PEA15: variants seen among roughly 807,000 people sequenced by gnomAD.
PEA15 encodes the protein astrocytic phosphoprotein PEA-15.
For missense variants in PEA15, 77 were observed against 161.3 expected (o/e 0.48, Z 2.83); for synonymous variants, 60 against 61.8 (o/e 0.97, Z 0.13).
In PEA15 at chr1:160,215,021, A is replaced by G. The variant is rs1005740270; in HGVS notation, c.*1535A>G. ...CTAGGACTCCACAGTTTTGCCTTAA[A>G]GGACCTTCCCAAGTCTCCCTTTCCC... On this transcript the variant is annotated 3_prime_UTR_variant, in exon 4 of 4. Transcript: ENST00000360472. The G allele has an allele frequency of 1.3e-5, 2 of 152,896 alleles. No individual in the cohort carries two copies. The highest frequency in any genetic ancestry group is 4.8e-5 in the African/African-American group (2 of 41,456). 9.5% of individuals were successfully genotyped at this position (152,896 alleles called of 1,614,324 possible). A position where few individuals can be genotyped will look rare whatever the true frequency, so the allele number is the denominator to read the frequency against.
Position 160,208,852 on chromosome 1 carries a change from A to G in PEA15, c.-2-2691A>G, listed in dbSNP as rs1230730733. 1 of 542,282 alleles carries G rather than the reference A, an allele frequency of 1.8e-6. No individual in the cohort carries two copies. Among genetic ancestry groups the G allele is most frequent in the East Asian group, 3.2e-5 (1 of 31,302 alleles). 33.6% of individuals were successfully genotyped at this position (542,282 alleles called of 1,614,324 possible). A position where few individuals can be genotyped will look rare whatever the true frequency, so the allele number is the denominator to read the frequency against. On this transcript the variant is annotated intron_variant, in intron 1 of 3. Coordinates refer to ENST00000360472, the MANE Select transcript of PEA15 (RefSeq NM_003768.5). This position sits in a 1 kb window ranked among gnomAD's most constrained non-coding sequence, Gnocchi z 4.1. ...TGTCCCTTCTTACTCACCATTCCCT[A>G]CACTCCTCCCATCTAGTGGTGTCAT...
At position 160,214,883 on chromosome 1, in the gene PEA15, TG is replaced by T. The variant is rs1460420000; in HGVS notation, c.*1399del. On this transcript the variant is annotated 3_prime_UTR_variant, in exon 4 of 4. Coordinates refer to ENST00000360472, the MANE Select transcript of PEA15 (RefSeq NM_003768.5). ...TTAATGGGAGGGGAGGGCTGGCTGC[TG>T]GAAGAAGGAAGAAGCCAGACTGGTT... The T allele has an allele frequency of 1.3e-5, 2 of 152,606 alleles. No homozygotes were observed. The highest frequency in any genetic ancestry group is 2.4e-5 in the African/African-American group (1 of 41,426). 9.5% of individuals were successfully genotyped at this position (152,606 alleles called of 1,614,324 possible).
intron 2 of PEA15, among the ~76,000 whole-genome samples, chr1:160,212,514 G>A (rs1321470967): frequency 1.3e-5 from 2 of 152,072 alleles, no homozygotes; most frequent in African/African-American, 2.4e-5. Flanking sequence ...AAAGGAGGAC[G>A]TGTTACAGTT....
rs1240168020 is a variant in PEA15 at position 160,208,712 on chromosome 1, C to T, written c.-2-2831C>T. 2 of 1,471,764 alleles carry T rather than the reference C, an allele frequency of 1.4e-6. No individual in the cohort carries two copies. Among genetic ancestry groups the T allele is most frequent in the African/African-American group, 1.4e-5 (1 of 71,508 alleles). 91.2% of individuals were successfully genotyped at this position (1,471,764 alleles called of 1,614,324 possible). ...AATTGAGAGCAGTTCCCCTAAACAA[C>T]ACTCCCTTTGCTTCTTCTGCCATAC... On this transcript the variant is annotated intron_variant, in intron 1 of 3. Coordinates refer to ENST00000360472, the MANE Select transcript of PEA15 (RefSeq NM_003768.5). The surrounding 1 kb of genome is among the most constrained non-coding windows in gnomAD (Gnocchi z 4.1).
At position 160,208,584 on chromosome 1, in the gene PEA15, ATC is replaced by A. The variant is rs1417479299; in HGVS notation, c.-2-2955_-2-2954del. The stretch of plus-strand genomic sequence containing the variant: ...CTCCACGAGCCCTAAGGAAATCTGA[ATC>A]TCTGGTGAGGAAAGTGACATGGAGG... On this transcript the variant is annotated intron_variant, in intron 1 of 3. Transcript: ENST00000360472. The surrounding 1 kb of genome is among the most constrained non-coding windows in gnomAD (Gnocchi z 4.1). 1.9e-6 allele frequency: 3 copies of A among 1,549,426 alleles called. No individual in the cohort carries two copies. In the African/African-American group the frequency reaches 4.1e-5, roughly 21 times the overall value.
At chr1:160,210,740 A>T (rs751396477) in intron 1 of PEA15, among the ~76,000 whole-genome samples, 1 of 152,206 alleles carries the variant, frequency 6.6e-6, no homozygotes, top group Non-Finnish European at 1.5e-5. Context: ...GGAACTGGGC[A>T]GGGGGCCAGA....
chr1:160,208,652 C>A lies in PEA15; in HGVS notation c.-2-2891C>A. 1 of 1,550,232 alleles carries A rather than the reference C, an allele frequency of 6.5e-7. No individual in the cohort carries two copies. ...TCTGCCAAGCCCCACCATGGCCAGG[C>A]CAGACCAGCCCAGGTACAACTGTTG... On this transcript the variant is annotated intron_variant, in intron 1 of 3. Transcript: ENST00000360472. This position sits in a 1 kb window ranked among gnomAD's most constrained non-coding sequence, Gnocchi z 4.1.
chr1:160,208,851 T>A lies in PEA15; in HGVS notation c.-2-2692T>A. On this transcript the variant is annotated intron_variant, in intron 1 of 3. Transcript: ENST00000360472. The surrounding 1 kb of genome is among the most constrained non-coding windows in gnomAD (Gnocchi z 4.1). Reference sequence around the variant, plus strand: ...CTGTCCCTTCTTACTCACCATTCCCTACACTCCTCCCATCTAGTGGTGTCA... The same window carrying A: ...CTGTCCCTTCTTACTCACCATTCCCAACACTCCTCCCATCTAGTGGTGTCA... 1.8e-5 allele frequency: 10 copies of A among 551,802 alleles called. No homozygotes were observed. The highest frequency in any genetic ancestry group is 5.0e-4 in the Middle Eastern group (1 of 2,004). The allele number at this position is 551,802 out of a possible 1,614,324, so 34.2% of individuals were successfully genotyped here.
At position 160,208,465 on chromosome 1, in the gene PEA15, A is replaced by G; in HGVS notation, c.-3+2943A>G. On this transcript the variant is annotated intron_variant, in intron 1 of 3. Transcript: ENST00000360472. This position sits in a 1 kb window ranked among gnomAD's most constrained non-coding sequence, Gnocchi z 4.1. The stretch of plus-strand genomic sequence containing the variant: ...CCTGCCCTGGTATCCTGTCCCAAGA[A>G]TGGCCTCCGCCCAGACTGCCTGGTG... 1.4e-6 allele frequency: 1 copy of G among 734,748 alleles called. No individual in the cohort carries two copies. Among genetic ancestry groups the G allele is most frequent in the Admixed American group, 2.4e-5 (1 of 41,716 alleles). 45.5% of individuals were successfully genotyped at this position (734,748 alleles called of 1,614,324 possible).
Position 160,209,917 on chromosome 1 carries a change from G to C in PEA15, c.-2-1626G>C, listed in dbSNP as rs564324557. ...TGACAGTCAGAGAGCATTGTTCCTG[G>C]CCCGGCCTGGCAGGGCCACTGCTGG... On this transcript the variant is annotated intron_variant, in intron 1 of 3. Coordinates refer to ENST00000360472, the MANE Select transcript of PEA15 (RefSeq NM_003768.5). Among the ~76,000 whole-genome samples, 32 of 152,360 alleles carry C rather than the reference G, an allele frequency of 2.1e-4. No individual in the cohort carries two copies. The South Asian group carries it at 5.8e-3, about 28-fold the overall frequency.
Position 160,213,272 on chromosome 1 carries a change from G to A in PEA15, c.328+7G>A, listed in dbSNP as rs753113920. 5.6e-6 allele frequency: 9 copies of A among 1,614,116 alleles called. No homozygotes were observed. The highest frequency in any genetic ancestry group is 2.2e-5 in the East Asian group (1 of 44,890). ...AGTGCCAAGAAGTACAAAGGTAAGC[G>A]GCCACTCCTTTAACTAGCTGCACCT... On this transcript the variant is annotated splice_region_variant and intron_variant, in intron 3 of 3. Transcript: ENST00000360472. The surrounding 1 kb of genome is among the most constrained non-coding windows in gnomAD (Gnocchi z 5.3).
chr1:160,211,958 TA>T (rs1455053779), intron 2 of PEA15, among the ~76,000 whole-genome samples: 2 of 152,078 alleles, frequency 1.3e-5, no homozygotes, highest in African/African-American at 4.8e-5. Context: ...AAAAACAATC[TA>T]AAAATAGTAA....
Position 160,213,188 on chromosome 1 carries a change from C to G in PEA15, c.251C>G (p.Thr84Ser), listed in dbSNP as rs1323163161. ...DLLTMVVDYR[T>S]RVLKISEEDE... ...CTCACTATGGTGGTTGACTACAGAA[C>G]CCGTGTGCTGAAGATCTCTGAGGAG... Residue 84 changes from threonine to serine, a missense_variant, in exon 3 of 4, where the codon ACC becomes AGC. Coordinates refer to ENST00000360472, the MANE Select transcript of PEA15 (RefSeq NM_003768.5). The surrounding 1 kb of genome is among the most constrained non-coding windows in gnomAD (Gnocchi z 5.3). 6.2e-7 allele frequency: 1 copy of G among 1,614,160 alleles called. No individual in the cohort carries two copies. Among genetic ancestry groups the G allele is most frequent in the Non-Finnish European group, 8.5e-7 (1 of 1,179,994 alleles).
rs1654704625 is a variant in PEA15 at position 160,208,552 on chromosome 1, C to G, written c.-2-2991C>G. ...GGAGGATTTTTCAGAGCCCAGAGAGCAGATTTCTCCACGAGCCCTAAGGAA... is the reference window on the plus strand; with the variant it reads ...GGAGGATTTTTCAGAGCCCAGAGAGGAGATTTCTCCACGAGCCCTAAGGAA... On this transcript the variant is annotated intron_variant, in intron 1 of 3. Transcript: ENST00000360472. This position sits in a 1 kb window ranked among gnomAD's most constrained non-coding sequence, Gnocchi z 4.1. 6.2e-6 allele frequency: 9 copies of G among 1,456,274 alleles called. No individual in the cohort carries two copies. Among genetic ancestry groups the G allele is most frequent in the Non-Finnish European group, 5.7e-6 (6 of 1,061,090 alleles). The allele number at this position is 1,456,274 out of a possible 1,614,324, so 90.2% of individuals were successfully genotyped here.
rs559325102 is a variant in PEA15 at position 160,210,712 on chromosome 1, C to G, written c.-2-831C>G. Reference sequence around the variant, plus strand: ...AGCCGCATCTAAAGTCCCCTCCCCCCACCACCCAGCCAGCCTGGGAACTGG... The same window carrying G: ...AGCCGCATCTAAAGTCCCCTCCCCCGACCACCCAGCCAGCCTGGGAACTGG... On this transcript the variant is annotated intron_variant, in intron 1 of 3. Coordinates refer to ENST00000360472, the MANE Select transcript of PEA15 (RefSeq NM_003768.5). Among the ~76,000 whole-genome samples, 4 of 152,360 alleles carry G rather than the reference C, an allele frequency of 2.6e-5. No homozygotes were observed. The East Asian group carries it at 5.8e-4, about 22-fold the overall frequency.
At chr1:160,210,830 G>T (rs1470766676) in intron 1 of PEA15, among the ~76,000 whole-genome samples, 1 of 152,170 alleles carries the variant, frequency 6.6e-6, no homozygotes, top group Non-Finnish European at 1.5e-5. Flanking sequence ...TGGGGGCCTG[G>T]TAACCATCAA....
Position 160,205,852 on chromosome 1 carries a change from G to A in PEA15, c.-3+330G>A, listed in dbSNP as rs553272095. 2 of 152,344 alleles carry A rather than the reference G, an allele frequency of 1.3e-5. No homozygotes were observed. Among genetic ancestry groups the A allele is most frequent in the South Asian group, 2.1e-4 (1 of 4,812 alleles). 9.4% of individuals were successfully genotyped at this position (152,344 alleles called of 1,614,324 possible). ...GCGCCCGCCCCTCCCTCCCCGCTCA[G>A]GCTTCGGACTCGCCTCCGCTGGCGG... On this transcript the variant is annotated intron_variant, in intron 1 of 3. Coordinates refer to ENST00000360472, the MANE Select transcript of PEA15 (RefSeq NM_003768.5). This position sits in a 1 kb window ranked among gnomAD's most constrained non-coding sequence, Gnocchi z 5.9.
chr1:160,210,464 A>G (rs1470437792), intron 1 of PEA15, among the ~76,000 whole-genome samples: 1 of 152,238 alleles, frequency 6.6e-6, no homozygotes, highest in Non-Finnish European at 1.5e-5. Flanking sequence ...CCATTCAAAC[A>G]TCTGACCTTC....
chr1:160,213,707 C>T lies in PEA15; in HGVS notation c.*221C>T. 38 of 252,036 alleles carry T rather than the reference C, an allele frequency of 1.5e-4. No individual in the cohort carries two copies. Among genetic ancestry groups the T allele is most frequent in the South Asian group, 3.0e-4 (8 of 27,102 alleles). The allele number at this position is 252,036 out of a possible 1,614,324, so 15.6% of individuals were successfully genotyped here. ...TTCTTAAGGGGATGGGGGTCAGGGG[C>T]TAGGGGAGGGGGCTGAGTTTCCCCA... On this transcript the variant is annotated 3_prime_UTR_variant, in exon 4 of 4. Coordinates refer to ENST00000360472, the MANE Select transcript of PEA15 (RefSeq NM_003768.5). This position sits in a 1 kb window ranked among gnomAD's most constrained non-coding sequence, Gnocchi z 5.3.
Sources: allele counts gnomAD v4.1 joint callset (sites outside exome capture counted in the v4.1 genomes callset), GRCh38; gene constraint gnomAD v4.1.1; non-coding constraint Gnocchi (gnomAD v3.1); transcripts MANE v1.5; gene names NCBI Gene and HGNC (gene_info 2026-07-23, HGNC 2026-07-21).